The following RBFOX3 variants were observed in gnomAD, a reference collection of about 807,000 sequenced individuals.
RBFOX3 encodes RNA binding fox-1 homolog 3, also known as RNA binding protein fox-1 homolog 3.
RBFOX3 carries 17 observed loss-of-function variants against 48.7 expected under a neutral mutation model. The ratio of observed to expected loss-of-function variants is 0.35; its 90% CI spans 0.24 to 0.52. RBFOX3 has a LOEUF of 0.52. Among genes scored for constraint, RBFOX3 ranks in the 20% least tolerant of loss-of-function variants. RBFOX3 has a pLI of 0.94. For synonymous variants in RBFOX3, 212 were observed against 209.5 expected, an observed-to-expected ratio of 1.01 and a Z score of -0.10; for missense variants, 382 against 497.5, an observed-to-expected ratio of 0.77 and a Z score of 2.21.
chr17:79,469,539 AC>A (rs2076798322), intron 2 of RBFOX3, among the ~76,000 whole-genome samples: 1 of 152,100 alleles, frequency 6.6e-6, no homozygotes. Flanking sequence ...TAAGCAGCTG[AC>A]CACCTGCTCG....
At position 79,399,305 on chromosome 17, in the gene RBFOX3, G is replaced by A. The variant is rs2062466179; in HGVS notation, c.-175+83149C>T. On this transcript the variant is annotated intron_variant, in intron 2 of 14. Transcript: ENST00000693108. Reference sequence around the variant, plus strand: ...GTGAGGCTATCCCCGCTTCACAAATGAGGAAACCGAGGCACCGGGAGGCAA... The same window carrying A: ...GTGAGGCTATCCCCGCTTCACAAATAAGGAAACCGAGGCACCGGGAGGCAA... 2.0e-5 allele frequency among the ~76,000 whole-genome samples: 3 copies of A among 152,222 alleles called. No homozygotes were observed. The South Asian group carries it at 6.2e-4, about 32-fold the overall frequency.
upstream of RBFOX3, among the ~76,000 whole-genome samples, chr17:79,611,932 G>A (rs2093972752): frequency 6.6e-6 from 1 of 152,176 alleles, no homozygotes; most frequent in South Asian, 2.1e-4. Context: ...CCTGTCCCCA[G>A]TCCCAGCCTC....
chr17:79,292,597 CACGCACACACACACACACATACATGCAG>C (rs2073520935), intron 3 of RBFOX3, among the ~76,000 whole-genome samples: 2 of 110,898 alleles, frequency 1.8e-5, no homozygotes, highest in African/African-American at 7.4e-5. Flanking sequence ...CACACACACA[CACGCACACACACACACACATACATGCAG>C]ACCCAGTGCA....
At chr17:79,415,363 G>T (rs1459537038) in intron 2 of RBFOX3, among the ~76,000 whole-genome samples, 1 of 152,114 alleles carries the variant, frequency 6.6e-6, no homozygotes, top group Non-Finnish European at 1.5e-5. Flanking sequence ...TCCATTTTTT[G>T]ATCCTGGGGG....
chr17:79,231,859 C>T (rs528644626), intron 4 of RBFOX3, among the ~76,000 whole-genome samples: 26 of 152,270 alleles, frequency 1.7e-4, no homozygotes, highest in African/African-American at 5.1e-4. Flanking sequence ...TGTCACTGAT[C>T]GCTGTATTAG....
chr17:79,472,307 G>T (rs930472815), intron 2 of RBFOX3, among the ~76,000 whole-genome samples: 1 of 152,226 alleles, frequency 6.6e-6, no homozygotes, highest in Non-Finnish European at 1.5e-5. Context: ...ACAGGAAGTT[G>T]CAAAAATAGT....
intron 9 of RBFOX3, chr17:79,098,102 T>G (rs1422063449): frequency 3.9e-6 from 1 of 256,642 alleles, no homozygotes; most frequent in Non-Finnish European, 7.7e-6. Context: ...TCTACCCCCC[T>G]GAGCACAGCT....
At chr17:79,460,537 G>A (rs1375269402) in intron 2 of RBFOX3, among the ~76,000 whole-genome samples, 1 of 152,174 alleles carries the variant, frequency 6.6e-6, no homozygotes, top group African/African-American at 2.4e-5. Context: ...GAGCTCTCTT[G>A]CTGCACTTAC....
chr17:79,464,848 G>A (rs2076098471), intron 2 of RBFOX3, among the ~76,000 whole-genome samples: 1 of 152,238 alleles, frequency 6.6e-6, no homozygotes. Context: ...CTGGCACAGT[G>A]CTCGCCCTGT....
rs1175229743 is a variant in RBFOX3 at position 79,252,718 on chromosome 17, A to C, written c.-73-16913T>G. On this transcript the variant is annotated intron_variant, in intron 3 of 14. Transcript: ENST00000693108. The surrounding 1 kb of genome is among the most constrained non-coding windows in gnomAD (Gnocchi z 4.0). The stretch of plus-strand genomic sequence containing the variant: ...CCTCTTGGAAAGTTCTCAGCGTCAC[A>C]TCGCTCTGGCTGTGTTGACCACTCC... 2.0e-5 allele frequency among the ~76,000 whole-genome samples: 3 copies of C among 152,182 alleles called. No homozygotes were observed. The highest frequency in any genetic ancestry group is 4.4e-5 in the Non-Finnish European group (3 of 68,022).
intron 5 of RBFOX3, among the ~76,000 whole-genome samples, chr17:79,113,590 A>G (rs891108651): frequency 6.6e-6 from 1 of 152,022 alleles, no homozygotes; most frequent in African/African-American, 2.4e-5. Flanking sequence ...GAGGCTCTGG[A>G]GGCTAATAAC....
Position 79,199,216 on chromosome 17 carries a change from T to C in RBFOX3, c.-34+36550A>G, listed in dbSNP as rs1243164875. On this transcript the variant is annotated intron_variant, in intron 4 of 14. Transcript: ENST00000693108. The surrounding 1 kb of genome is among the most constrained non-coding windows in gnomAD (Gnocchi z 5.1). ...TGGCTCACTCTGCCTTCTGAGAATG[T>C]AAAGGGCCTTTCGAAAAGACCTCCC... 6.6e-6 allele frequency among the ~76,000 whole-genome samples: 1 copy of C among 152,120 alleles called. No homozygotes were observed. The highest frequency in any genetic ancestry group is 1.5e-5 in the Non-Finnish European group (1 of 68,026).
intron 1 of RBFOX3, among the ~76,000 whole-genome samples, chr17:79,540,587 C>T (rs1336522905): frequency 6.6e-6 from 1 of 152,230 alleles, no homozygotes; most frequent in East Asian, 1.9e-4. Context: ...CACACTCCTC[C>T]ACACAGAAGG....
At chr17:79,503,311 A>G (rs1048182050) in intron 1 of RBFOX3, among the ~76,000 whole-genome samples, 42 of 152,182 alleles carry the variant, frequency 2.8e-4, no homozygotes, top group Non-Finnish European at 5.7e-4. Flanking sequence ...TGCAGCAAAC[A>G]AGCCAGTCTC....
At position 79,267,008 on chromosome 17, in the gene RBFOX3, C is replaced by T. The variant is rs1213256392; in HGVS notation, c.-73-31203G>A. ...CTGAACCTGAGGCGGTCATGGGAAC[C>T]CCAGAATTTGCAGCTGGCTGGTCAG... On this transcript the variant is annotated intron_variant, in intron 3 of 14. Transcript: ENST00000693108. Among the ~76,000 whole-genome samples, 7 of 152,136 alleles carry T rather than the reference C, an allele frequency of 4.6e-5. No homozygotes were observed. In the South Asian group the frequency reaches 1.4e-3, roughly 31 times the overall value.
chr17:79,392,070 C>T lies in RBFOX3; in HGVS notation c.-174-84246G>A, dbSNP rs373054081. On this transcript the variant is annotated intron_variant, in intron 2 of 14. Coordinates refer to ENST00000693108, the MANE Select transcript of RBFOX3 (RefSeq NM_001350451.2). The surrounding 1 kb of genome is among the most constrained non-coding windows in gnomAD (Gnocchi z 5.0). ...CAAGCAACAGGGTTCCCATAGTGCC[C>T]GGGCACTTCGGACCCGCTGCGGGAC... Among the ~76,000 whole-genome samples, 3 of 152,204 alleles carry T rather than the reference C, an allele frequency of 2.0e-5. 1 individual carries two copies. The highest frequency in any genetic ancestry group is 6.5e-5 in the Admixed American group (1 of 15,282).
At chr17:79,163,042 C>T (rs571125213) in intron 4 of RBFOX3, among the ~76,000 whole-genome samples, 19 of 152,288 alleles carry the variant, frequency 1.2e-4, no homozygotes, top group African/African-American at 3.6e-4. Flanking sequence ...GAGAGGGTGA[C>T]GGCGGGACCA....
intron 3 of RBFOX3, among the ~76,000 whole-genome samples, chr17:79,257,422 C>G (rs1461373985): frequency 1.3e-5 from 2 of 152,210 alleles, no homozygotes; most frequent in East Asian, 3.8e-4. Flanking sequence ...AGCAGGTGCC[C>G]TGAGGAGTCT....
chr17:79,519,816 C>T (rs1292699848), intron 1 of RBFOX3, among the ~76,000 whole-genome samples: 1 of 152,128 alleles, frequency 6.6e-6, no homozygotes, highest in Non-Finnish European at 1.5e-5. Flanking sequence ...GGGTGAGCGT[C>T]CCTGGCTGGC....
Sources: gnomAD v4.1 joint callset for allele counts (sites outside exome capture counted in the v4.1 genomes callset) on GRCh38, gnomAD v4.1.1 for gene constraint, Gnocchi (gnomAD v3.1) non-coding constraint, MANE v1.5 for transcripts, NCBI Gene and HGNC (gene_info 2026-07-23, HGNC 2026-07-21) for gene names.